TRAM1L1: variants seen among roughly 807,000 people sequenced by gnomAD.
TRAM1L1 encodes translocating chain-associated membrane protein 1-like 1.
For synonymous variants in TRAM1L1, 189 were observed against 163.6 expected (o/e 1.16, Z -1.18); for missense variants, 451 against 439.9 (o/e 1.03, Z -0.23).
rs1000988899 is a variant in TRAM1L1, at chr4:117,083,991, C to A, written c.*293G>T. On this transcript the variant is annotated 3_prime_UTR_variant, in exon 1 of 1. Coordinates refer to ENST00000310754, the MANE Select transcript of TRAM1L1 (RefSeq NM_152402.3). Reference sequence around the variant, plus strand: ...ATGCAAAATTGTGCAGTTATCTCTGCAAATCATTAGGAAAATGTTGAAAGG... The same window carrying A: ...ATGCAAAATTGTGCAGTTATCTCTGAAAATCATTAGGAAAATGTTGAAAGG... 1.4e-5 allele frequency: 4 copies of A among 280,774 alleles called. No homozygotes were observed. Among genetic ancestry groups the A allele is most frequent in the Non-Finnish European group, 2.6e-5 (4 of 151,648 alleles). The allele number at this position is 280,774 out of a possible 1,614,324, so 17.4% of individuals were successfully genotyped here.
rs750296711 is a variant in TRAM1L1, at chr4:117,085,418, G to C, written c.-25C>G. The C allele has an allele frequency of 6.3e-6, 10 of 1,584,468 alleles. No individual in the cohort carries two copies. Among genetic ancestry groups the C allele is most frequent in the South Asian group, 2.3e-5 (2 of 87,964 alleles). On this transcript the variant is annotated 5_prime_UTR_variant, in exon 1 of 1. Coordinates refer to ENST00000310754, the MANE Select transcript of TRAM1L1 (RefSeq NM_152402.3). ...TGGTGGCGCTTCCCGGATACTCACC[G>C]GCGAGCCGCAGCTGCCTCCCCCTGG...
rs1301838655 is a variant in TRAM1L1 at position 117,083,961 on chromosome 4, T to C, written c.*323A>G. On this transcript the variant is annotated 3_prime_UTR_variant, in exon 1 of 1. Coordinates refer to ENST00000310754, the MANE Select transcript of TRAM1L1 (RefSeq NM_152402.3). ...CTGGTGGGAGTAAGAACCAGTATCA[T>C]TGATATGCAAAATTGTGCAGTTATC... The C allele has an allele frequency of 1.8e-5, 4 of 222,100 alleles. No individual in the cohort carries two copies. The highest frequency in any genetic ancestry group is 5.3e-5 in the Admixed American group (1 of 18,834). The allele number at this position is 222,100 out of a possible 1,614,324, so 13.8% of individuals were successfully genotyped here. A position where few individuals can be genotyped will look rare whatever the true frequency, so the allele number is the denominator to read the frequency against.
Position 117,084,255 on chromosome 4 carries a change from G to T in TRAM1L1, c.*29C>A. The T allele has an allele frequency of 1.3e-6, 2 of 1,557,764 alleles. No individual in the cohort carries two copies. Among genetic ancestry groups the T allele is most frequent in the Non-Finnish European group, 8.6e-7 (1 of 1,156,680 alleles). On this transcript the variant is annotated 3_prime_UTR_variant, in exon 1 of 1. Transcript: ENST00000310754. ...GAAACCTCAAAGAGCAGATTCCTTT[G>T]CAGACATTAATCAATGCGCTTGCAA...
chr4:117,085,342 A>C lies in TRAM1L1; in HGVS notation c.52T>G (p.Phe18Val), dbSNP rs1165661936. The change falls in exon 1 of 1, where the codon TTC becomes GTC. Residue 18 changes from phenylalanine (F) to valine (V), a missense_variant. Phe to Val is a conservative substitution (Grantham distance 50). Coordinates refer to ENST00000310754, the MANE Select transcript of TRAM1L1 (RefSeq NM_152402.3). ...TKNPPVLSQEFILQNHADIVS... is the reference protein window; with the variant it reads ...TKNPPVLSQEVILQNHADIVS... ...ATGTCCGCATGATTCTGCAGGATGA[A>C]TTCCTGGCTGAGAACGGGGGGGTTC... 7 of 1,613,886 alleles carry C rather than the reference A, an allele frequency of 4.3e-6. No individual in the cohort carries two copies. The South Asian group carries it at 7.7e-5, about 18-fold the overall frequency.
Position 117,084,764 on chromosome 4 carries a change from A to T in TRAM1L1, c.630T>A (p.Ala210=). The change falls in exon 1 of 1, where the codon GCT becomes GCA. Residue 210 remains alanine, a synonymous_variant. Coordinates refer to ENST00000310754, the MANE Select transcript of TRAM1L1 (RefSeq NM_152402.3). ...IGLHLFHITG[A]YLLYLNHLGL... ...CCAAATGATTCAAGTACAAGAGATA[A>T]GCTCCAGTAATGTGGAAGAGGTGAA... The T allele has an allele frequency of 6.2e-7, 1 of 1,614,222 alleles. No homozygotes were observed. Among genetic ancestry groups the T allele is most frequent in the Non-Finnish European group, 8.5e-7 (1 of 1,180,040 alleles).
Position 117,084,882 on chromosome 4 carries a change from G to A in TRAM1L1, c.512C>T (p.Ser171Phe), listed in dbSNP as rs745454387. The A allele has an allele frequency of 1.2e-6, 2 of 1,614,088 alleles. No individual in the cohort carries two copies. The highest frequency in any genetic ancestry group is 3.3e-5 in the Admixed American group (2 of 60,018). The change falls in exon 1 of 1, where the codon TCC (serine) becomes TTC (phenylalanine). Residue 171 changes from serine to phenylalanine, a missense_variant. Physicochemically the swap from Ser to Phe is radical, Grantham distance 155 (BLOSUM62 -2). Coordinates refer to ENST00000310754, the MANE Select transcript of TRAM1L1 (RefSeq NM_152402.3). ...MTFQMKFFYI[S>F]QLAYWFHAFP... ...AGCATGAAACCAGTAAGCCAACTGG[G>A]ATATGTAGAAAAACTTCATTTGAAA...
chr4:117,084,442 G>C lies in TRAM1L1; in HGVS notation c.952C>G (p.Leu318Val), dbSNP rs1732410336. 7 of 1,614,130 alleles carry C rather than the reference G, an allele frequency of 4.3e-6. No individual in the cohort carries two copies. The East Asian group carries it at 1.6e-4, about 36-fold the overall frequency. The change falls in exon 1 of 1, where the codon CTC becomes GTC. Residue 318 changes from leucine to valine, a missense_variant. Physicochemically the swap from Leu to Val is conservative, Grantham distance 32. Transcript: ENST00000310754. Reference sequence around the variant, plus strand: ...TCTTCTACCCACCTCTGAAGCCAGAGAGTAATTAAGTTCCATGTTACGTAG... The same window carrying C: ...TCTTCTACCCACCTCTGAAGCCAGACAGTAATTAAGTTCCATGTTACGTAG... Reference protein sequence around the residue: ...QAYVTWNLITLWLQRWVEDSN... With the variant: ...QAYVTWNLITVWLQRWVEDSN...
chr4:117,084,767 T>TC lies in TRAM1L1; in HGVS notation c.626dup (p.Ala210SerfsTer21), dbSNP rs776218808. 1.9e-6 allele frequency: 3 copies of TC among 1,614,102 alleles called. No individual in the cohort carries two copies. In the Admixed American group the frequency reaches 5.0e-5, roughly 27 times the overall value. ...AATGATTCAAGTACAAGAGATAAGCTCCAGTAATGTGGAAGAGGTGAAGAC... is the reference window on the plus strand; with the variant it reads ...AATGATTCAAGTACAAGAGATAAGCTCCCAGTAATGTGGAAGAGGTGAAGAC... On this transcript the variant is annotated frameshift_variant, in exon 1 of 1. Coordinates refer to ENST00000310754, the MANE Select transcript of TRAM1L1 (RefSeq NM_152402.3). LOFTEE classifies it low-confidence loss of function (END_TRUNC).
Position 117,084,848 on chromosome 4 carries a change from T to C in TRAM1L1, c.546A>G (p.Glu182=). Residue 182 remains glutamate (E), a synonymous_variant, in exon 1 of 1, where the codon GAA becomes GAG. Transcript: ENST00000310754. ...GTTTTTTGGTTTTCTGGAAGTAGAG[T>C]TCAGGAAAAGCATGAAACCAGTAAG... is the stretch of plus-strand genomic sequence containing the variant. ...QLAYWFHAFP[E]LYFQKTKKQD... 6.2e-7 allele frequency: 1 copy of C among 1,613,864 alleles called. No homozygotes were observed. The highest frequency in any genetic ancestry group is 8.5e-7 in the Non-Finnish European group (1 of 1,179,974).
Position 117,085,432 on chromosome 4 carries a change from G to T in TRAM1L1, c.-39C>A. 1 of 1,576,846 alleles carries T rather than the reference G, an allele frequency of 6.3e-7. No individual in the cohort carries two copies. Among genetic ancestry groups the T allele is most frequent in the Non-Finnish European group, 8.6e-7 (1 of 1,158,296 alleles). Reference sequence around the variant, plus strand: ...GGATACTCACCGGCGAGCCGCAGCTGCCTCCCCCTGGCTGCTCCTCACAGC... The same window carrying T: ...GGATACTCACCGGCGAGCCGCAGCTTCCTCCCCCTGGCTGCTCCTCACAGC... On this transcript the variant is annotated 5_prime_UTR_variant, in exon 1 of 1. Transcript: ENST00000310754.
At position 117,084,568 on chromosome 4, in the gene TRAM1L1, G is replaced by T. The variant is rs527665848; in HGVS notation, c.826C>A (p.Leu276Met). Residue 276 changes from leucine to methionine, a missense_variant, in exon 1 of 1, where the codon CTG (leucine) becomes ATG (methionine). Physicochemically the swap from Leu to Met is conservative, Grantham distance 15 (BLOSUM62 2). Coordinates refer to ENST00000310754, the MANE Select transcript of TRAM1L1 (RefSeq NM_152402.3). ...GGATTCCGATTCTGCGATCCAGCCA[G>T]GTGAAACCCAACAGTGAGTACGGAA... is the stretch of plus-strand genomic sequence containing the variant. Reference protein sequence around the residue: ...IVSVLTVGFHLAGSQNRNPDA... With the variant: ...IVSVLTVGFHMAGSQNRNPDA... The T allele has an allele frequency of 5.3e-5, 86 of 1,614,184 alleles. No homozygotes were observed. The highest frequency in any genetic ancestry group is 6.9e-5 in the Non-Finnish European group (82 of 1,180,040).
chr4:117,084,147 T>C lies in TRAM1L1; in HGVS notation c.*137A>G, dbSNP rs1732403618. The C allele has an allele frequency of 1.1e-6, 1 of 890,144 alleles. No individual in the cohort carries two copies. The highest frequency in any genetic ancestry group is 1.7e-5 in the African/African-American group (1 of 59,182). The allele number at this position is 890,144 out of a possible 1,614,324, so 55.1% of individuals were successfully genotyped here. ...TAATCCTCCTCCCCTCAAATGTCTT[T>C]AAAAAATACATGAAACAGTTCAATA... is the stretch of plus-strand genomic sequence containing the variant. On this transcript the variant is annotated 3_prime_UTR_variant, in exon 1 of 1. Transcript: ENST00000310754.
In TRAM1L1 at chr4:117,085,501, C is replaced by G. The variant is rs1560752059; in HGVS notation, c.-108G>C. 2.8e-6 allele frequency: 4 copies of G among 1,449,180 alleles called. No individual in the cohort carries two copies. The highest frequency in any genetic ancestry group is 3.7e-6 in the Non-Finnish European group (4 of 1,078,150). 89.8% of individuals were successfully genotyped at this position (1,449,180 alleles called of 1,614,324 possible). On this transcript the variant is annotated 5_prime_UTR_variant, in exon 1 of 1. Transcript: ENST00000310754. ...GCTCCGGGGGCTCCACTTCCCATCC[C>G]GAAGTCAGTCCCGGGTCGCAGCGGC...
At position 117,085,191 on chromosome 4, in the gene TRAM1L1, C is replaced by T; in HGVS notation, c.203G>A (p.Gly68Asp). 6.2e-7 allele frequency: 1 copy of T among 1,614,018 alleles called. No homozygotes were observed. Among genetic ancestry groups the T allele is most frequent in the Non-Finnish European group, 8.5e-7 (1 of 1,179,986 alleles). Residue 68 changes from glycine (G) to aspartate (D), a missense_variant, in exon 1 of 1, where the codon GGC becomes GAC. Transcript: ENST00000310754. ...AVPAAEEQAT[G>D]SKSLYYYGVK... ...ACCATAATAATAGAGGGACTTTGAG[C>T]CCGTGGCTTGTTCCTCTGCTGCAGG...
At position 117,084,630 on chromosome 4, in the gene TRAM1L1, A is replaced by G. The variant is rs1402652480; in HGVS notation, c.764T>C (p.Ile255Thr). Residue 255 changes from isoleucine to threonine, a missense_variant, in exon 1 of 1, where the codon ATT becomes ACT. Ile to Thr is a moderately conservative substitution (Grantham distance 89). Coordinates refer to ENST00000310754, the MANE Select transcript of TRAM1L1 (RefSeq NM_152402.3). ...KYQKGISLWA[I>T]VFILGRLVTL... ...CACAAGTCTACCCAAGATAAACACAATGGCCCACAGAGATATGCCTTTCTG... is the reference window on the plus strand; with the variant it reads ...CACAAGTCTACCCAAGATAAACACAGTGGCCCACAGAGATATGCCTTTCTG... 1 of 1,614,202 alleles carries G rather than the reference A, an allele frequency of 6.2e-7. No homozygotes were observed. The highest frequency in any genetic ancestry group is 8.5e-7 in the Non-Finnish European group (1 of 1,180,032).
chr4:117,085,530 C>A lies in TRAM1L1; in HGVS notation c.-137G>T. On this transcript the variant is annotated 5_prime_UTR_variant, in exon 1 of 1. Transcript: ENST00000310754. ...GTCAGTCCCGGGTCGCAGCGGCCGCCCAGAAAAAAAATAAATCAAAGGCGA... is the reference window on the plus strand; with the variant it reads ...GTCAGTCCCGGGTCGCAGCGGCCGCACAGAAAAAAAATAAATCAAAGGCGA... 1 of 1,225,854 alleles carries A rather than the reference C, an allele frequency of 8.2e-7. No individual in the cohort carries two copies. The highest frequency in any genetic ancestry group is 1.1e-6 in the Non-Finnish European group (1 of 892,858). The allele number at this position is 1,225,854 out of a possible 1,614,324, so 75.9% of individuals were successfully genotyped here. A position where few individuals can be genotyped will look rare whatever the true frequency, so the allele number is the denominator to read the frequency against.
chr4:117,085,476 G>A lies in TRAM1L1; in HGVS notation c.-83C>T. ...TCACAGCGCCGCCGCCACGGTAGCA[G>A]CTCCGGGGGCTCCACTTCCCATCCC... On this transcript the variant is annotated 5_prime_UTR_variant, in exon 1 of 1. Coordinates refer to ENST00000310754, the MANE Select transcript of TRAM1L1 (RefSeq NM_152402.3). The A allele has an allele frequency of 2.0e-6, 3 of 1,514,494 alleles. No individual in the cohort carries two copies. In the South Asian group the frequency reaches 3.9e-5, roughly 20 times the overall value. 93.8% of individuals were successfully genotyped at this position (1,514,494 alleles called of 1,614,324 possible).
chr4:117,085,483 G>C lies in TRAM1L1; in HGVS notation c.-90C>G. 1 of 1,509,380 alleles carries C rather than the reference G, an allele frequency of 6.6e-7. No individual in the cohort carries two copies. The allele number at this position is 1,509,380 out of a possible 1,614,324, so 93.5% of individuals were successfully genotyped here. On this transcript the variant is annotated 5_prime_UTR_variant, in exon 1 of 1. Transcript: ENST00000310754. ...GCCGCCGCCACGGTAGCAGCTCCGG[G>C]GGCTCCACTTCCCATCCCGAAGTCA... is the stretch of plus-strand genomic sequence containing the variant.
In TRAM1L1 at chr4:117,084,618, A is replaced by G. The variant is rs1474526727; in HGVS notation, c.776T>C (p.Leu259Ser). 1 of 1,614,210 alleles carries G rather than the reference A, an allele frequency of 6.2e-7. No individual in the cohort carries two copies. Among genetic ancestry groups the G allele is most frequent in the South Asian group, 1.1e-5 (1 of 91,084 alleles). Residue 259 changes from leucine to serine, a missense_variant, in exon 1 of 1, where the codon TTG becomes TCG. Coordinates refer to ENST00000310754, the MANE Select transcript of TRAM1L1 (RefSeq NM_152402.3). ...GISLWAIVFI[L>S]GRLVTLIVSV... ...AACAATTAAAGTCACAAGTCTACCC[A>G]AGATAAACACAATGGCCCACAGAGA...
Sources: allele counts gnomAD v4.1 joint callset, GRCh38; gene constraint gnomAD v4.1.1; transcripts MANE v1.5; gene names NCBI Gene and HGNC (gene_info 2026-07-23, HGNC 2026-07-21).